Variants in ADAM15 observed in about 807,000 individuals in gnomAD.
ADAM15 encodes ADAM metallopeptidase domain 15.
A neutral mutation model predicts 113.8 loss-of-function variants in ADAM15; 77 were observed. The observed-to-expected ratio is 0.68, with a 90% CI of 0.56 to 0.82. The LOEUF (loss-of-function observed/expected upper bound fraction) is 0.82, where lower values mean the gene tolerates loss of function less well. ADAM15 is among the 40% of genes least tolerant of loss of function. The pLI is 0.00. For synonymous variants in ADAM15, 388 were observed against 454.1 expected, an observed-to-expected ratio of 0.85 and a Z score of 1.85; for missense variants, 963 against 1,120.1, an observed-to-expected ratio of 0.86 and a Z score of 2.00.
intron 18 of ADAM15, 42 bp downstream of exon 18, chr1:155,060,385 G>C (rs760996631): frequency 3.7e-6 from 6 of 1,609,882 alleles, no homozygotes; most frequent in Non-Finnish European, 5.1e-6. Context: ...TTCAACTGGG[G>C]ACAGTGCTGA....
intron 17 of ADAM15, 74 bp from the exon 18 acceptor site, chr1:155,060,131 T>C (rs893440782): frequency 8.8e-6 from 14 of 1,592,730 alleles, no homozygotes; most frequent in Non-Finnish European, 1.2e-5. Flanking sequence ...TTGACTTCAC[T>C]CCCTGCCCCC....
At position 155,051,374 on chromosome 1, in the gene ADAM15, G is replaced by A. The variant is rs952376787; in HGVS notation, c.-13G>A. 2.0e-6 allele frequency: 3 copies of A among 1,498,788 alleles called. No homozygotes were observed. Among genetic ancestry groups the A allele is most frequent in the African/African-American group, 1.5e-5 (1 of 68,340 alleles). The allele number at this position is 1,498,788 out of a possible 1,614,324, so 92.8% of individuals were successfully genotyped here. ...GCACTTGCTGCCCTCGCCCGGCCCGGAGCGCCGCTGCCATGCGGCTGGCGC... is the reference window on the plus strand; with the variant it reads ...GCACTTGCTGCCCTCGCCCGGCCCGAAGCGCCGCTGCCATGCGGCTGGCGC... On this transcript the variant is annotated 5_prime_UTR_variant, in exon 1 of 23. Transcript: ENST00000356955.
Position 155,058,116 on chromosome 1 carries a change from G to A in ADAM15, c.1682G>A (p.Gly561Glu). 18 of 1,613,532 alleles carry A rather than the reference G, an allele frequency of 1.1e-5. No homozygotes were observed. The highest frequency in any genetic ancestry group is 1.5e-5 in the Non-Finnish European group (18 of 1,179,504). Reference protein sequence around the residue: ...NTRGNAFGSCGRNPSGSYVSC... With the variant: ...NTRGNAFGSCERNPSGSYVSC... The stretch of plus-strand genomic sequence containing the variant: ...CGGGGAAATGCTTTTGGGAGCTGTG[G>A]GCGCAACCCCAGTGGCAGTTATGTG... The change falls in exon 14 of 23, where the codon GGG (glycine) becomes GAG (glutamate). Residue 561 changes from glycine (G) to glutamate (E), a missense_variant. Coordinates refer to ENST00000356955, the MANE Select transcript of ADAM15 (RefSeq NM_207197.3). This position sits in a 1 kb window ranked among gnomAD's most constrained non-coding sequence, Gnocchi z 4.3.
intron 1 of ADAM15, 135 bp from the exon 2 acceptor site, chr1:155,052,536 G>A (rs1661200933): frequency 2.6e-6 from 4 of 1,548,310 alleles, no homozygotes; most frequent in Admixed American, 2.0e-5. Flanking sequence ...TTAAGTCTCA[G>A]CATGCAATGT....
chr1:155,056,585 G>T lies in ADAM15; in HGVS notation c.999+115G>T. On this transcript the variant is annotated intron_variant, in intron 10 of 22. Transcript: ENST00000356955. The surrounding 1 kb of genome is among the most constrained non-coding windows in gnomAD (Gnocchi z 4.0). ...GCCCAACCCCAAAGCTACAGGTATAGAGGGTGGAGGTACGTGATGTGGCCT... is the reference window on the plus strand; with the variant it reads ...GCCCAACCCCAAAGCTACAGGTATATAGGGTGGAGGTACGTGATGTGGCCT... The T allele has an allele frequency of 9.9e-7, 1 of 1,005,334 alleles. No individual in the cohort carries two copies. The allele number at this position is 1,005,334 out of a possible 1,614,324, so 62.3% of individuals were successfully genotyped here.
chr1:155,052,250 C>T (rs1553263270), intron 1 of ADAM15: 2 of 510,964 alleles, frequency 3.9e-6, no homozygotes, highest in Non-Finnish European at 7.0e-6. Flanking sequence ...AATGGGCGTT[C>T]CTGGCATCTC....
chr1:155,053,648 G>T (rs1291503490), intron 3 of ADAM15, among the ~76,000 whole-genome samples, 155 bp downstream of exon 3: 1 of 152,194 alleles, frequency 6.6e-6, no homozygotes, highest in Non-Finnish European at 1.5e-5. Flanking sequence ...CTTTATACAT[G>T]AGGAAGTCAA....
chr1:155,057,295 C>A lies in ADAM15; in HGVS notation c.1256C>A (p.Pro419His), dbSNP rs1374720711. ...TTCGAACGGCTGCCTAGCCTACCCCCTATGGCTGCTTTCTGCGGAAATATG... is the reference window on the plus strand; with the variant it reads ...TTCGAACGGCTGCCTAGCCTACCCCATATGGCTGCTTTCTGCGGAAATATG... ...CLFERLPSLP[P>H]MAAFCGNMFV... Residue 419 changes from proline to histidine, a missense_variant, in exon 12 of 23, where the codon CCT becomes CAT. Physicochemically the swap from Pro to His is moderately conservative, Grantham distance 77. Coordinates refer to ENST00000356955, the MANE Select transcript of ADAM15 (RefSeq NM_207197.3). This position sits in a 1 kb window ranked among gnomAD's most constrained non-coding sequence, Gnocchi z 5.0. 4 of 1,614,220 alleles carry A rather than the reference C, an allele frequency of 2.5e-6. No individual in the cohort carries two copies. The highest frequency in any genetic ancestry group is 1.6e-4 in the Middle Eastern group (1 of 6,062).
intron 19 of ADAM15, chr1:155,061,064 T>A (rs1174426878): frequency 3.4e-6 from 2 of 585,872 alleles, no homozygotes; most frequent in Non-Finnish European, 6.1e-6. Context: ...CTGGGCTCCG[T>A]CCGCTGGCCA....
chr1:155,053,585 T>A, intron 3 of ADAM15, 92 bp downstream of exon 3: 1 of 1,315,228 alleles, frequency 7.6e-7, no homozygotes, highest in Non-Finnish European at 1.1e-6. Context: ...TGTGCTCATT[T>A]AATCCTCATA....
chr1:155,057,285 A>G lies in ADAM15; in HGVS notation c.1246A>G (p.Ser416Gly), dbSNP rs757262934. 1 of 1,614,174 alleles carries G rather than the reference A, an allele frequency of 6.2e-7. No individual in the cohort carries two copies. The highest frequency in any genetic ancestry group is 8.5e-7 in the Non-Finnish European group (1 of 1,180,016). ...MGSCLFERLP[S>G]LPPMAAFCGN... ...CAGCTGCCTCTTCGAACGGCTGCCT[A>G]GCCTACCCCCTATGGCTGCTTTCTG... Residue 416 changes from serine to glycine, a missense_variant, in exon 12 of 23, where the codon AGC becomes GGC. Ser to Gly is a moderately conservative substitution (Grantham distance 56, BLOSUM62 0). Transcript: ENST00000356955. This position sits in a 1 kb window ranked among gnomAD's most constrained non-coding sequence, Gnocchi z 5.0.
In ADAM15 at chr1:155,056,021, C is replaced by A; in HGVS notation, c.744+21C>A. 2 of 1,613,046 alleles carry A rather than the reference C, an allele frequency of 1.2e-6. No individual in the cohort carries two copies. The highest frequency in any genetic ancestry group is 1.7e-6 in the Non-Finnish European group (2 of 1,179,980). The stretch of plus-strand genomic sequence containing the variant: ...ACACAGTGAGTGCTGGACAGGGCAA[C>A]CCCCACCCCAGGCCCCTGACCATGG... On this transcript the variant is annotated intron_variant, in intron 8 of 22. Coordinates refer to ENST00000356955, the MANE Select transcript of ADAM15 (RefSeq NM_207197.3). The surrounding 1 kb of genome is among the most constrained non-coding windows in gnomAD (Gnocchi z 4.0).
chr1:155,060,398 GCTGCCTCACCT>G, intron 18 of ADAM15, 55 bp downstream of exon 18: 1 of 1,600,010 alleles, frequency 6.2e-7, no homozygotes. Flanking sequence ...AGTGCTGAAG[GCTGCCTCACCT>G]CTGCAGCCCC....
Position 155,056,020 on chromosome 1 carries a change from A to C in ADAM15, c.744+20A>C, listed in dbSNP as rs771589426. The stretch of plus-strand genomic sequence containing the variant: ...GACACAGTGAGTGCTGGACAGGGCA[A>C]CCCCCACCCCAGGCCCCTGACCATG... On this transcript the variant is annotated intron_variant, in intron 8 of 22. Transcript: ENST00000356955. This position sits in a 1 kb window ranked among gnomAD's most constrained non-coding sequence, Gnocchi z 4.0. The C allele has an allele frequency of 6.2e-7, 1 of 1,612,786 alleles. No homozygotes were observed. Among genetic ancestry groups the C allele is most frequent in the Non-Finnish European group, 8.5e-7 (1 of 1,179,920 alleles).
At chr1:155,060,734 T>C in intron 18 of ADAM15, 29 bp from the exon 19 acceptor site, 2 of 1,609,110 alleles carry the variant, frequency 1.2e-6, no homozygotes, top group Non-Finnish European at 1.7e-6. Context: ...GGCTGGGCCC[T>C]CTCCCTTCTT....
intron 20 of ADAM15, 97 bp from the exon 21 acceptor site, chr1:155,061,807 G>A: frequency 7.6e-7 from 1 of 1,315,408 alleles, no homozygotes. Context: ...CCCCCTGGCT[G>A]ACTTTGCATG....
rs749304758 is a variant in ADAM15 at position 155,055,859 on chromosome 1, C to G, written c.675+7C>G. 1 of 1,614,216 alleles carries G rather than the reference C, an allele frequency of 6.2e-7. No individual in the cohort carries two copies. Among genetic ancestry groups the G allele is most frequent in the Admixed American group, 1.7e-5 (1 of 60,028 alleles). ...TGTGGCTGATCACTCGGAGGTGAGC[C>G]TGCTGGCCCCTGCACATCCTCCTCC... is the stretch of plus-strand genomic sequence containing the variant. On this transcript the variant is annotated splice_region_variant and intron_variant, in intron 7 of 22. Coordinates refer to ENST00000356955, the MANE Select transcript of ADAM15 (RefSeq NM_207197.3).
rs1661833001 is a variant in ADAM15 at position 155,056,884 on chromosome 1, G to C, written c.1000-69G>C. On this transcript the variant is annotated intron_variant, in intron 10 of 22. Transcript: ENST00000356955. This position sits in a 1 kb window ranked among gnomAD's most constrained non-coding sequence, Gnocchi z 4.0. The stretch of plus-strand genomic sequence containing the variant: ...CAGACGTGGAGGGAACAGGAGCAGA[G>C]AGGGTGGTCTGGGCATTGTGGTGGA... The C allele has an allele frequency of 6.6e-7, 1 of 1,511,716 alleles. No individual in the cohort carries two copies. The highest frequency in any genetic ancestry group is 1.4e-5 in the African/African-American group (1 of 71,644). 93.6% of individuals were successfully genotyped at this position (1,511,716 alleles called of 1,614,324 possible).
chr1:155,061,801 C>A, intron 20 of ADAM15, 103 bp from the exon 21 acceptor site: 1 of 1,278,152 alleles, frequency 7.8e-7, no homozygotes, highest in Non-Finnish European at 1.1e-6. Context: ...CTCCTGCCCC[C>A]TGGCTGACTT....
Sources: gnomAD v4.1 joint callset for allele counts (sites outside exome capture counted in the v4.1 genomes callset) on GRCh38, gnomAD v4.1.1 for gene constraint, Gnocchi (gnomAD v3.1) non-coding constraint, MANE v1.5 for transcripts, NCBI Gene and HGNC (gene_info 2026-07-23, HGNC 2026-07-21) for gene names.